The following GJA3 variants were observed in gnomAD, a reference collection of about 807,000 sequenced individuals.
The protein encoded by GJA3 is gap junction protein alpha 3, also known as gap junction alpha-3 protein.
For synonymous variants in GJA3, 297 were observed against 292.6 expected (o/e 1.02, Z -0.15); for missense variants, 571 against 620.3 (o/e 0.92, Z 0.84).
chr13:20,155,691 C>T (rs185758879), intron 1 of GJA3, among the ~76,000 whole-genome samples: 8 of 151,464 alleles, frequency 5.3e-5, no homozygotes, highest in African/African-American at 1.9e-4. Context: ...TTTATTTTCT[C>T]CCTTGTCCTA....
At position 20,142,524 on chromosome 13, in the gene GJA3, C is replaced by T; in HGVS notation, c.765G>A (p.Leu255=). The T allele has an allele frequency of 6.4e-7, 1 of 1,554,222 alleles. No homozygotes were observed. Among genetic ancestry groups the T allele is most frequent in the Admixed American group, 1.9e-5 (1 of 51,492 alleles). ...APLGTADPPP[L]PPSSRPPAVA... The stretch of plus-strand genomic sequence containing the variant: ...CGGCGGGCGGCCGGGAGCTGGGGGG[C>T]AGGGGCGGGGGATCGGCTGTCCCCA... The change falls in exon 2 of 2, where the codon CTG becomes CTA. Residue 255 remains leucine (L), a synonymous_variant. Coordinates refer to ENST00000241125, the MANE Select transcript of GJA3 (RefSeq NM_021954.4).
chr13:20,139,473 A>T lies in GJA3; in HGVS notation c.*2508T>A, dbSNP rs981120523. The T allele has an allele frequency of 6.6e-6, 1 of 152,190 alleles. No homozygotes were observed. Among genetic ancestry groups the T allele is most frequent in the Admixed American group, 6.5e-5 (1 of 15,282 alleles). The allele number at this position is 152,190 out of a possible 1,614,324, so 9.4% of individuals were successfully genotyped here. On this transcript the variant is annotated 3_prime_UTR_variant, in exon 2 of 2. Transcript: ENST00000241125. ...TCTTAAAGGACTAGTTGAGTAGAGA[A>T]CAATTCCACACTGCCTGAGAGAGAA... is the stretch of plus-strand genomic sequence containing the variant.
intron 1 of GJA3, among the ~76,000 whole-genome samples, chr13:20,150,419 T>C (rs1958870038): frequency 1.3e-5 from 2 of 151,118 alleles, no homozygotes; most frequent in Non-Finnish European, 2.9e-5. Flanking sequence ...TCTGGCAGTG[T>C]GGGGACTAAG....
chr13:20,158,912 C>CAAAAAAAAAAAAAAAAAAAAAAAAAAAA (rs1159654355), intron 1 of GJA3, among the ~76,000 whole-genome samples: 5 of 54,954 alleles, frequency 9.1e-5, no homozygotes, highest in Non-Finnish European at 1.2e-4. Context: ...GCAAAACTCT[C>CAAAAAAAAAAAAAAAAAAAAAAAAAAAA]AAAAAAAAAA....
chr13:20,146,933 C>T (rs984816777), intron 1 of GJA3, among the ~76,000 whole-genome samples: 6 of 152,218 alleles, frequency 3.9e-5, no homozygotes, highest in African/African-American at 1.4e-4. Flanking sequence ...GCTCCTACTA[C>T]CATCCTTCTC....
intron 1 of GJA3, among the ~76,000 whole-genome samples, chr13:20,145,007 C>T (rs528167811): frequency 6.6e-6 from 1 of 152,244 alleles, no homozygotes; most frequent in Admixed American, 6.5e-5. Context: ...ATGGTGAAAC[C>T]TCATCTCTAC....
At chr13:20,147,557 C>A (rs1958850030) in intron 1 of GJA3, among the ~76,000 whole-genome samples, 1 of 152,180 alleles carries the variant, frequency 6.6e-6, no homozygotes, top group African/African-American at 2.4e-5. Flanking sequence ...TTTATACACT[C>A]TCTTACGTGG....
intron 1 of GJA3, among the ~76,000 whole-genome samples, chr13:20,159,869 C>T (rs1958927389): frequency 6.6e-6 from 1 of 152,188 alleles, no homozygotes. Context: ...ATAAATCCCT[C>T]TTTTTTCCTC....
At chr13:20,144,537 C>A (rs1268415595) in intron 1 of GJA3, among the ~76,000 whole-genome samples, 2 of 152,152 alleles carry the variant, frequency 1.3e-5, no homozygotes, top group Non-Finnish European at 2.9e-5. Context: ...AGAAGGCAGC[C>A]CAAGGAGGGG....
chr13:20,156,890 A>G (rs954221535), intron 1 of GJA3, among the ~76,000 whole-genome samples: 3 of 152,180 alleles, frequency 2.0e-5, no homozygotes, highest in African/African-American at 7.2e-5. Flanking sequence ...AATTAGAAAC[A>G]ACTGCCTGCC....
Position 20,138,621 on chromosome 13 carries a change from T to TTTAATAACC in GJA3, c.*3359_*3360insGGTTATTAA, listed in dbSNP as rs1404425444. 6.6e-6 allele frequency: 1 copy of TTTAATAACC among 152,254 alleles called. No individual in the cohort carries two copies. The highest frequency in any genetic ancestry group is 2.4e-5 in the African/African-American group (1 of 41,460). 9.4% of individuals were successfully genotyped at this position (152,254 alleles called of 1,614,324 possible). The stretch of plus-strand genomic sequence containing the variant: ...CCTTAAATGTACAATGTCCATATGC[T>TTTAATAACC]ATATTAAAGGTTATTTAGGATATCC... On this transcript the variant is annotated 3_prime_UTR_variant, in exon 2 of 2. Coordinates refer to ENST00000241125, the MANE Select transcript of GJA3 (RefSeq NM_021954.4).
chr13:20,142,014 GCTGCTGGCC>G lies in GJA3; in HGVS notation c.1266_1274del (p.Arg422_Ser424del), dbSNP rs1299380449. 3 of 1,550,390 alleles carry G rather than the reference GCTGCTGGCC, an allele frequency of 1.9e-6. No individual in the cohort carries two copies. Among genetic ancestry groups the G allele is most frequent in the South Asian group, 2.4e-5 (2 of 84,054 alleles). ...CCAAGTCCTCCGGTCTGGCCCGCCC[GCTGCTGGCC>G]CTGCTGGCCTTGCTGGCCCGACCTG... On this transcript the variant is annotated inframe_deletion, in exon 2 of 2. Coordinates refer to ENST00000241125, the MANE Select transcript of GJA3 (RefSeq NM_021954.4).
intron 1 of GJA3, 103 bp from the exon 2 acceptor site, chr13:20,143,408 G>T (rs1022848673): frequency 2.1e-5 from 15 of 714,656 alleles, no homozygotes; most frequent in Middle Eastern, 4.0e-4. Context: ...GGATGGGGCT[G>T]ATGGGCAGCT....
intron 1 of GJA3, among the ~76,000 whole-genome samples, chr13:20,159,699 G>A (rs1958926616): frequency 6.6e-6 from 1 of 152,122 alleles, no homozygotes; most frequent in Non-Finnish European, 1.5e-5. Flanking sequence ...AGTACTGTCT[G>A]ATTTGTTAGA....
rs575752755 is a variant in GJA3 at position 20,152,247 on chromosome 13, A to G, written c.-18+8643T>C. Among the ~76,000 whole-genome samples, 21 of 152,262 alleles carry G rather than the reference A, an allele frequency of 1.4e-4. No individual in the cohort carries two copies. The South Asian group carries it at 4.1e-3, about 30-fold the overall frequency. ...GTCTAACAGCATCCAGAGGGTGAGC[A>G]CAGATGGGCCGGGCACCTGCAGAGG... On this transcript the variant is annotated intron_variant, in intron 1 of 1. Transcript: ENST00000241125.
chr13:20,159,415 C>A (rs1459692717), intron 1 of GJA3, among the ~76,000 whole-genome samples: 3 of 131,638 alleles, frequency 2.3e-5, no homozygotes, highest in Non-Finnish European at 4.6e-5. Context: ...CGAGATCGCA[C>A]CACTGCACTC....
Position 20,142,633 on chromosome 13 carries a change from A to G in GJA3, c.656T>C (p.Met219Thr), listed in dbSNP as rs1425675608. The change falls in exon 2 of 2, where the codon ATG becomes ACG. Residue 219 changes from methionine to threonine, a missense_variant. Coordinates refer to ENST00000241125, the MANE Select transcript of GJA3 (RefSeq NM_021954.4). Reference sequence around the variant, plus strand: ...CCAGCCCAGGTGGTAGATCTCCAGCATGTTGAGCAGCAGGGACGCGCAGGC... The same window carrying G: ...CCAGCCCAGGTGGTAGATCTCCAGCGTGTTGAGCAGCAGGGACGCGCAGGC... ...AVACASLLLN[M>T]LEIYHLGWKK... 8.1e-6 allele frequency: 13 copies of G among 1,612,972 alleles called. No homozygotes were observed. Among genetic ancestry groups the G allele is most frequent in the Non-Finnish European group, 1.1e-5 (13 of 1,179,812 alleles).
At chr13:20,157,569 C>CAGAA (rs1958913446) in intron 1 of GJA3, among the ~76,000 whole-genome samples, 1 of 152,230 alleles carries the variant, frequency 6.6e-6, no homozygotes. Context: ...GACACCAGCA[C>CAGAA]AGAAGTGCCC....
chr13:20,152,317 G>GC (rs11394717), intron 1 of GJA3, among the ~76,000 whole-genome samples: 134,906 of 152,052 alleles, frequency 0.89, 59,931 homozygotes, highest in East Asian at 1. Flanking sequence ...TCTCTGGAAC[G>GC]AGTCACAGCC....
Sources: gnomAD v4.1 joint callset for allele counts (sites outside exome capture counted in the v4.1 genomes callset) on GRCh38, gnomAD v4.1.1 for gene constraint, MANE v1.5 for transcripts, NCBI Gene and HGNC (gene_info 2026-07-23, HGNC 2026-07-21) for gene names.